Variants in DPEP1 observed in about 807,000 individuals in gnomAD.
DPEP1 encodes dipeptidase 1, also known as beta-lactamase.
A neutral mutation model predicts 42.3 loss-of-function variants in DPEP1; 50 were observed. The observed-to-expected ratio is 1.18, with a 90% CI of 0.94 to 1.50. The LOEUF (loss-of-function observed/expected upper bound fraction) is 1.50. DPEP1 is among the 40% of genes most tolerant of loss of function. The pLI is 0.00. For synonymous variants in DPEP1, 297 were observed against 234.0 expected (o/e 1.27, Z -2.46); for missense variants, 663 against 553.0 (o/e 1.20, Z -1.99).
chr16:89,633,206 C>A (rs1442520201), intron 2 of DPEP1, among the ~76,000 whole-genome samples: 1 of 152,214 alleles, frequency 6.6e-6, no homozygotes, highest in Non-Finnish European at 1.5e-5. Context: ...ATGGTTCCCT[C>A]AGCAAGTGCG....
intron 1 of DPEP1, among the ~76,000 whole-genome samples, chr16:89,625,630 G>C (rs1445238638): frequency 6.6e-6 from 1 of 152,220 alleles, no homozygotes; most frequent in African/African-American, 2.4e-5. Context: ...GCAGAGTCCA[G>C]AGCTTGGAAG....
intron 1 of DPEP1, chr16:89,616,989 C>G: frequency 1.8e-4 from 29 of 159,832 alleles, no homozygotes; most frequent in South Asian, 8.1e-4. Flanking sequence ...GAGAATGGGG[C>G]GGGAGGCTGG....
chr16:89,631,947 G>C (rs1333320251), intron 2 of DPEP1, among the ~76,000 whole-genome samples: 1 of 152,158 alleles, frequency 6.6e-6, no homozygotes, highest in African/African-American at 2.4e-5. Context: ...GGCCATGCCA[G>C]CTTCAGCCCT....
At chr16:89,616,370 A>G (rs762704878) in intron 1 of DPEP1, among the ~76,000 whole-genome samples, 6 of 152,170 alleles carry the variant, frequency 3.9e-5, no homozygotes, top group Non-Finnish European at 5.9e-5. Flanking sequence ...TGGCCCAGCC[A>G]GCTGTGAGAG....
intron 2 of DPEP1, among the ~76,000 whole-genome samples, chr16:89,634,552 CTTCTCCTTTCCCTTCCT>C (rs1327116003): frequency 1.6e-5 from 1 of 61,480 alleles, no homozygotes; most frequent in African/African-American, 4.5e-5. Flanking sequence ...TTTCCCCTTC[CTTCTCCTTTCCCTTCCT>C]TCTCCTTTCC....
At chr16:89,622,223 G>A (rs1366750168) in intron 1 of DPEP1, among the ~76,000 whole-genome samples, 1 of 152,170 alleles carries the variant, frequency 6.6e-6, no homozygotes, top group Non-Finnish European at 1.5e-5. Flanking sequence ...TCGGGGCCAG[G>A]ACTACTAACC....
At chr16:89,635,655 G>C (rs1413924599) in intron 2 of DPEP1, among the ~76,000 whole-genome samples, 1 of 152,228 alleles carries the variant, frequency 6.6e-6, no homozygotes, top group African/African-American at 2.4e-5. Flanking sequence ...GGCCCTGGAA[G>C]GGATGGGCTA....
At chr16:89,635,306 G>A (rs1037194326) in intron 2 of DPEP1, among the ~76,000 whole-genome samples, 3 of 152,000 alleles carry the variant, frequency 2.0e-5, no homozygotes, top group African/African-American at 7.3e-5. Flanking sequence ...CAGTCCTTTG[G>A]AAGTTTAGAA....
chr16:89,636,144 C>T (rs1483106063), intron 3 of DPEP1, 104 bp downstream of exon 3: 40 of 1,547,138 alleles, frequency 2.6e-5, no homozygotes, highest in Non-Finnish European at 3.4e-5. Flanking sequence ...CTCCAGGGTC[C>T]CTCGGTGCCC....
At chr16:89,623,378 C>A (rs62068713) in intron 1 of DPEP1, among the ~76,000 whole-genome samples, 1 of 151,940 alleles carries the variant, frequency 6.6e-6, no homozygotes, top group Non-Finnish European at 1.5e-5. Flanking sequence ...AGCCTGGGGT[C>A]GAGAGCCCGC....
downstream of DPEP1, among the ~76,000 whole-genome samples, chr16:89,640,004 G>T (rs930443931): frequency 2.0e-5 from 3 of 152,268 alleles, no homozygotes; most frequent in Admixed American, 2.0e-4. Flanking sequence ...GGGAGGCAGG[G>T]TCTGCATCGG....
intron 1 of DPEP1, among the ~76,000 whole-genome samples, chr16:89,627,254 TA>T: frequency 9.4e-6 from 1 of 106,672 alleles, no homozygotes; most frequent in South Asian, 3.0e-4. Context: ...GCCTGGGCAA[TA>T]GAGTGAGACT....
At chr16:89,636,725 A>G (rs2151502381) in intron 5 of DPEP1, 42 bp downstream of exon 5, 1 of 1,607,974 alleles carries the variant, frequency 6.2e-7, no homozygotes, top group East Asian at 2.2e-5. Flanking sequence ...TGTGGTCAGG[A>G]GGGAGGGGGC....
chr16:89,614,528 C>G (rs560371989), intron 1 of DPEP1, among the ~76,000 whole-genome samples: 1 of 152,232 alleles, frequency 6.6e-6, no homozygotes, highest in Non-Finnish European at 1.5e-5. Flanking sequence ...GGCGCGGTGG[C>G]TCACGCCTGT....
rs747958242 is a variant in DPEP1 at position 89,637,456 on chromosome 16, C to T, written c.769-12C>T. 5 of 1,612,714 alleles carry T rather than the reference C, an allele frequency of 3.1e-6. No individual in the cohort carries two copies. The highest frequency in any genetic ancestry group is 4.2e-6 in the Non-Finnish European group (5 of 1,179,976). ...CAGCTCTCAGCTTCACCCTGTCTTC[C>T]TTCTTGTGCAGAAACAGACAGACAG... On this transcript the variant is annotated splice_polypyrimidine_tract_variant and intron_variant, in intron 7 of 10. Transcript: ENST00000690203.
intron 1 of DPEP1, among the ~76,000 whole-genome samples, chr16:89,621,468 C>G (rs75556236): frequency 6.6e-6 from 1 of 152,122 alleles, no homozygotes; most frequent in African/African-American, 2.4e-5. Flanking sequence ...TGGTCAGGAG[C>G]CAGAAGAGAG....
At chr16:89,624,549 T>G (rs1205941798) in intron 1 of DPEP1, among the ~76,000 whole-genome samples, 2 of 147,226 alleles carry the variant, frequency 1.4e-5, no homozygotes, top group Non-Finnish European at 3.0e-5. Flanking sequence ...TTTTTTTTTG[T>G]TTTGAGAGGG....
chr16:89,638,655 C>CACAT (rs2059714824), downstream of DPEP1, among the ~76,000 whole-genome samples: 1 of 150,012 alleles, frequency 6.7e-6, no homozygotes, highest in African/African-American at 2.5e-5. Flanking sequence ...CCGGTGCACA[C>CACAT]ACCCCACCCC....
intron 1 of DPEP1, chr16:89,620,805 G>C (rs1419966882): frequency 6.6e-6 from 1 of 152,452 alleles, no homozygotes; most frequent in Non-Finnish European, 1.5e-5. Flanking sequence ...GGAGCCGGGA[G>C]CCAGGGGTTG....
Sources: gnomAD v4.1 joint callset for allele counts (sites outside exome capture counted in the v4.1 genomes callset) on GRCh38, gnomAD v4.1.1 for gene constraint, MANE v1.5 for transcripts, NCBI Gene and HGNC (gene_info 2026-07-23, HGNC 2026-07-21) for gene names.